BICD1: variants seen among roughly 807,000 people sequenced by gnomAD.
BICD1 encodes the protein BICD cargo adaptor 1, also known as protein bicaudal D homolog 1.
In BICD1, 35 loss-of-function variants were observed where a neutral mutation model predicts 92.5. That is an observed-to-expected ratio of 0.38 (90% confidence interval 0.29 to 0.50). The LOEUF (loss-of-function observed/expected upper bound fraction) is 0.50, where lower values mean the gene tolerates loss of function less well. BICD1 is among the 20% of genes least tolerant of loss of function. The probability of loss-of-function intolerance (pLI) is 0.93; values close to 1 mark genes in which losing one functional copy is unlikely to be tolerated. For missense variants in BICD1, 950 were observed against 1,189.8 expected, an observed-to-expected ratio of 0.80 and a Z score of 2.97; for synonymous variants, 429 against 465.1, an observed-to-expected ratio of 0.92 and a Z score of 1.00.
rs1397606289 is a variant in BICD1, at chr12:32,337,719, G to T, written c.2473G>T (p.Ala825Ser). The change falls in exon 7 of 10, where the codon GCA becomes TCA. Residue 825 changes from alanine to serine, a missense_variant. Around this residue, in one of 5 missense-constraint regions of BICD1, gnomAD observed 179 missense variants for 186.7 expected, o/e 0.96. Coordinates refer to ENST00000652176, the MANE Select transcript of BICD1 (RefSeq NM_001714.4). The surrounding 1 kb of genome is among the most constrained non-coding windows in gnomAD (Gnocchi z 4.7). ...KIGSPKVSGE[A>S]SVTVPTIDTY... ...CGGCAGCCCTAAAGTAAGTGGGGAG[G>T]CATCAGTCACCGTGCCCACCATAGA... 10 of 1,614,014 alleles carry T rather than the reference G, an allele frequency of 6.2e-6. No homozygotes were observed. The highest frequency in any genetic ancestry group is 8.5e-6 in the Non-Finnish European group (10 of 1,180,036).
chr12:32,372,309 A>G (rs7307156), intron 9 of BICD1, among the ~76,000 whole-genome samples: 64,514 of 151,450 alleles, frequency 0.43, 13,802 homozygotes, highest in Middle Eastern at 0.46. Context: ...GTGAAACGGC[A>G]TCTCTACTAA....
intron 4 of BICD1, among the ~76,000 whole-genome samples, chr12:32,315,531 C>A (rs1948474340): frequency 6.6e-6 from 1 of 152,030 alleles, no homozygotes; most frequent in Non-Finnish European, 1.5e-5. Flanking sequence ...TTGGAGTTTG[C>A]ATTGAATATG....
chr12:32,182,092 G>A (rs1366796914), intron 1 of BICD1, among the ~76,000 whole-genome samples: 2 of 151,778 alleles, frequency 1.3e-5, no homozygotes, highest in Admixed American at 1.3e-4. Context: ...TGCAAATAAA[G>A]CAGAATTTAA....
chr12:32,142,825 C>G (rs1428957169), intron 1 of BICD1, among the ~76,000 whole-genome samples: 1 of 152,150 alleles, frequency 6.6e-6, no homozygotes, highest in Non-Finnish European at 1.5e-5. Context: ...GTTGTTGGAG[C>G]CATCTCTTGT....
At chr12:32,137,400 G>T (rs1942770096) in intron 1 of BICD1, among the ~76,000 whole-genome samples, 2 of 152,034 alleles carry the variant, frequency 1.3e-5, no homozygotes, top group South Asian at 2.1e-4. Flanking sequence ...AAGGTTAATT[G>T]TTTTTATAAG....
intron 1 of BICD1, among the ~76,000 whole-genome samples, chr12:32,213,202 C>T (rs945996319): frequency 1.3e-5 from 2 of 152,200 alleles, no homozygotes; most frequent in African/African-American, 4.8e-5. Flanking sequence ...TTGTTAGTCT[C>T]ATCTAGTCCG....
At chr12:32,355,922 G>A (rs1225171042) in intron 8 of BICD1, among the ~76,000 whole-genome samples, 1 of 152,122 alleles carries the variant, frequency 6.6e-6, no homozygotes, top group African/African-American at 2.4e-5. Context: ...ACTTTGCATA[G>A]TCTGATAGAC....
intron 2 of BICD1, among the ~76,000 whole-genome samples, chr12:32,217,969 G>C (rs975999304): frequency 6.6e-6 from 1 of 152,210 alleles, no homozygotes; most frequent in African/African-American, 2.4e-5. Context: ...GCATGCAGGT[G>C]GTTTATGGAG....
At chr12:32,108,605 A>G in intron 1 of BICD1, 1 of 677,328 alleles carries the variant, frequency 1.5e-6, no homozygotes, top group Non-Finnish European at 2.7e-6. Flanking sequence ...TGTTTGGCAT[A>G]TAATATCAAA....
At chr12:32,116,322 T>G (rs916049327) in intron 1 of BICD1, among the ~76,000 whole-genome samples, 5 of 152,124 alleles carry the variant, frequency 3.3e-5, no homozygotes, top group Non-Finnish European at 5.9e-5. Flanking sequence ...CACCTAGACT[T>G]CAGGGATCTT....
Position 32,369,639 on chromosome 12 carries a change from C to G in BICD1, c.2840+1894C>G, listed in dbSNP as rs142815019. ...AGGTGTGGTGGCTTACGCCTGTAATCCCAGCAGTTTGGGAGGCTGAGGCGG... is the reference window on the plus strand; with the variant it reads ...AGGTGTGGTGGCTTACGCCTGTAATGCCAGCAGTTTGGGAGGCTGAGGCGG... On this transcript the variant is annotated intron_variant, in intron 9 of 9. Transcript: ENST00000652176. Among the ~76,000 whole-genome samples the G allele has an allele frequency of 3.9e-3, 597 of 152,336 alleles. 1 individual carries two copies. The highest frequency in any genetic ancestry group is 7.1e-3 in the Non-Finnish European group (486 of 68,034).
Position 32,262,449 on chromosome 12 carries a change from C to T in BICD1, c.427-31545C>T, listed in dbSNP as rs571041812. 1.4e-3 allele frequency among the ~76,000 whole-genome samples: 213 copies of T among 152,110 alleles called. 1 individual carries two copies. Among genetic ancestry groups the T allele is most frequent in the Middle Eastern group, 3.4e-3 (1 of 294 alleles). The stretch of plus-strand genomic sequence containing the variant: ...GCCACCCTTCACATTAGCAAAATGA[C>T]AAAAAATAAGAATAAATAAGGTGAG... On this transcript the variant is annotated intron_variant, in intron 2 of 9. Transcript: ENST00000652176.
At chr12:32,276,024 G>A (rs1453763380) in intron 2 of BICD1, among the ~76,000 whole-genome samples, 1 of 152,006 alleles carries the variant, frequency 6.6e-6, no homozygotes, top group Non-Finnish European at 1.5e-5. Flanking sequence ...CACCATTTTG[G>A]GAGCTCTGTG....
intron 2 of BICD1, among the ~76,000 whole-genome samples, chr12:32,253,394 G>A (rs893015226): frequency 6.6e-6 from 1 of 151,896 alleles, no homozygotes; most frequent in East Asian, 1.9e-4. Context: ...ATGCCCCACT[G>A]GACTTCTCTA....
intron 2 of BICD1, among the ~76,000 whole-genome samples, chr12:32,261,248 C>A (rs1317513148): frequency 6.6e-6 from 1 of 152,204 alleles, no homozygotes; most frequent in Non-Finnish European, 1.5e-5. Context: ...ACAAAAATTT[C>A]TCCTAGATGC....
At chr12:32,126,282 C>T (rs1237433801) in intron 1 of BICD1, among the ~76,000 whole-genome samples, 2 of 152,016 alleles carry the variant, frequency 1.3e-5, no homozygotes, top group African/African-American at 2.4e-5. Context: ...AGACTTCATA[C>T]CCCACCAATG....
intron 1 of BICD1, among the ~76,000 whole-genome samples, chr12:32,143,754 C>A (rs1943023235): frequency 1.3e-5 from 2 of 152,156 alleles, no homozygotes; most frequent in Non-Finnish European, 2.9e-5. Context: ...ATTTATTTAC[C>A]TTCCAGCAGT....
intron 2 of BICD1, among the ~76,000 whole-genome samples, chr12:32,251,989 A>AATATATTTATAATATATATTTATATT (rs1946535199): frequency 9.6e-6 from 1 of 104,278 alleles, no homozygotes; most frequent in Non-Finnish European, 1.7e-5. Context: ...CTATATATAT[A>AATATATTTATAATATATATTTATATT]ATATATTTAT....
chr12:32,274,384 G>T (rs1158068882), intron 2 of BICD1, among the ~76,000 whole-genome samples: 2 of 152,126 alleles, frequency 1.3e-5, no homozygotes, highest in Non-Finnish European at 2.9e-5. Flanking sequence ...AACACATTTT[G>T]ATAGTCAGGG....
Sources: gnomAD v4.1 joint callset for allele counts (sites outside exome capture counted in the v4.1 genomes callset) on GRCh38, gnomAD v4.1.1 for gene constraint, gnomAD v4.1.1 regional missense constraint, Gnocchi (gnomAD v3.1) non-coding constraint, MANE v1.5 for transcripts, NCBI Gene and HGNC (gene_info 2026-07-23, HGNC 2026-07-21) for gene names.